The following LRRTM4 variants were observed in gnomAD, a reference collection of about 807,000 sequenced individuals.
The protein encoded by LRRTM4 is leucine-rich repeat transmembrane neuronal protein 4.
A neutral mutation model predicts 47.6 loss-of-function variants in LRRTM4; 25 were observed. That is an observed-to-expected ratio of 0.53 (90% confidence interval 0.38 to 0.73). The LOEUF is 0.73. LRRTM4 is among the 30% of genes least tolerant of loss of function. The pLI is 0.00. For synonymous variants in LRRTM4, 311 were observed against 269.5 expected (o/e 1.15, Z -1.51); for missense variants, 638 against 713.4 (o/e 0.89, Z 1.20).
At chr2:76,987,615 G>A (rs1017505116) in intron 3 of LRRTM4, 2 of 151,882 alleles carry the variant, frequency 1.3e-5, no homozygotes, top group African/African-American at 4.8e-5. Flanking sequence ...GCTTAATATT[G>A]TAAAATATAT....
At chr2:76,889,140 G>A (rs571038442) in intron 3 of LRRTM4, among the ~76,000 whole-genome samples, 4 of 151,904 alleles carry the variant, frequency 2.6e-5, no homozygotes, top group Admixed American at 1.3e-4. Context: ...TGGAGGAAAC[G>A]TAAAAAGATT....
Position 76,925,470 on chromosome 2 carries a change from T to C in LRRTM4, c.1552-176554A>G, listed in dbSNP as rs528215258. Among the ~76,000 whole-genome samples the C allele has an allele frequency of 5.9e-5, 9 of 152,122 alleles. No individual in the cohort carries two copies. The South Asian group carries it at 1.2e-3, about 21-fold the overall frequency. ...AAGCTCTGTCTGGCTTTCTGACCTA[T>C]AGAACTTCAAGATAAAAAATGAGTG... is the stretch of plus-strand genomic sequence containing the variant. On this transcript the variant is annotated intron_variant, in intron 3 of 3. Transcript: ENST00000409884.
At chr2:76,816,819 G>GTTGTTTTTT (rs1670910659) in intron 3 of LRRTM4, among the ~76,000 whole-genome samples, 2 of 96,524 alleles carry the variant, frequency 2.1e-5, no homozygotes, top group African/African-American at 6.4e-5. Context: ...GAGGTAAAGA[G>GTTGTTTTTT]TTTTTTTTTT....
intron 2 of LRRTM4, 72 bp downstream of exon 2, chr2:77,521,596 A>C: frequency 6.3e-7 from 1 of 1,584,384 alleles, no homozygotes; most frequent in Non-Finnish European, 8.6e-7. Context: ...TTTATCTGCT[A>C]ATGCCACGAC....
At chr2:77,413,791 G>T (rs549737001) in intron 3 of LRRTM4, among the ~76,000 whole-genome samples, 1 of 152,036 alleles carries the variant, frequency 6.6e-6, no homozygotes, top group African/African-American at 2.4e-5. Context: ...ATGGACATAA[G>T]TTTCATAAGT....
chr2:76,967,995 T>C (rs949924203), intron 3 of LRRTM4, among the ~76,000 whole-genome samples: 9 of 151,496 alleles, frequency 5.9e-5, no homozygotes, highest in African/African-American at 1.9e-4. Context: ...ATGAACATTA[T>C]TGTTCATCTC....
At chr2:76,954,774 A>G (rs1161682557) in intron 3 of LRRTM4, among the ~76,000 whole-genome samples, 1 of 151,860 alleles carries the variant, frequency 6.6e-6, no homozygotes, top group African/African-American at 2.4e-5. Context: ...TAATGAAAAC[A>G]ATTTCTAAGC....
intron 3 of LRRTM4, among the ~76,000 whole-genome samples, chr2:77,496,281 T>C (rs1553451574): frequency 6.6e-6 from 1 of 151,910 alleles, no homozygotes; most frequent in Non-Finnish European, 1.5e-5. Context: ...TTACCACAGA[T>C]TGTTTTACAT....
chr2:76,897,282 A>G (rs1673454687), intron 3 of LRRTM4, among the ~76,000 whole-genome samples: 2 of 152,096 alleles, frequency 1.3e-5, no homozygotes, highest in African/African-American at 2.4e-5. Context: ...TCCTGAGTGG[A>G]TAGAGGAAAG....
At chr2:76,864,942 G>T (rs536623770) in intron 3 of LRRTM4, among the ~76,000 whole-genome samples, 41 of 145,764 alleles carry the variant, frequency 2.8e-4, no homozygotes, top group Non-Finnish European at 5.4e-4. Context: ...CCACTATGTT[G>T]CCCAGGCTGG....
chr2:77,099,368 T>G (rs1428316848), intron 3 of LRRTM4, among the ~76,000 whole-genome samples: 2 of 151,934 alleles, frequency 1.3e-5, no homozygotes, highest in Non-Finnish European at 2.9e-5. Flanking sequence ...TGCAATACAA[T>G]GAATATATTC....
chr2:77,070,217 C>T (rs1370889054), intron 3 of LRRTM4, among the ~76,000 whole-genome samples: 1 of 151,976 alleles, frequency 6.6e-6, no homozygotes, highest in Non-Finnish European at 1.5e-5. Context: ...ATGCTTCTTA[C>T]AGAGGCTCAG....
intron 3 of LRRTM4, among the ~76,000 whole-genome samples, chr2:77,510,824 T>C (rs974637970): frequency 3.9e-5 from 6 of 152,084 alleles, no homozygotes; most frequent in Non-Finnish European, 5.9e-5. Context: ...CATTAAAATG[T>C]AGGTAAAAGT....
At chr2:77,494,588 A>T (rs1427747199) in intron 3 of LRRTM4, among the ~76,000 whole-genome samples, 3 of 148,730 alleles carry the variant, frequency 2.0e-5, no homozygotes, top group Admixed American at 6.7e-5. Flanking sequence ...TGCTTTTCCC[A>T]TTTTTTTTTT....
chr2:77,490,830 T>G (rs116078743), intron 3 of LRRTM4, among the ~76,000 whole-genome samples: 2,697 of 152,286 alleles, frequency 0.018, 84 homozygotes, highest in African/African-American at 0.061. Context: ...GAACCAATTT[T>G]TCTTTGTTTT....
intron 3 of LRRTM4, among the ~76,000 whole-genome samples, chr2:77,068,849 G>C (rs541296817): frequency 9.2e-5 from 14 of 152,214 alleles, no homozygotes; most frequent in Non-Finnish European, 1.6e-4. Flanking sequence ...CTGGAAGGTT[G>C]TGGGTTTACC....
chr2:76,755,710 G>A (rs1428293693), intron 3 of LRRTM4, among the ~76,000 whole-genome samples: 3 of 152,098 alleles, frequency 2.0e-5, no homozygotes, highest in Non-Finnish European at 4.4e-5. Flanking sequence ...AGAGAGCACT[G>A]GAGTTATAGG....
chr2:77,097,905 A>C (rs1327106530), intron 3 of LRRTM4, among the ~76,000 whole-genome samples: 1 of 152,008 alleles, frequency 6.6e-6, no homozygotes, highest in Non-Finnish European at 1.5e-5. Flanking sequence ...ATAGATTATT[A>C]AAATCTACAA....
chr2:77,450,658 C>G (rs1170017395), intron 3 of LRRTM4, among the ~76,000 whole-genome samples: 1 of 152,010 alleles, frequency 6.6e-6, no homozygotes, highest in Admixed American at 6.6e-5. Context: ...GATTCCTGAT[C>G]TGCCAAAAAA....
Sources: gnomAD v4.1 joint callset for allele counts (sites outside exome capture counted in the v4.1 genomes callset) on GRCh38, gnomAD v4.1.1 for gene constraint, MANE v1.5 for transcripts, NCBI Gene and HGNC (gene_info 2026-07-23, HGNC 2026-07-21) for gene names.